The following RNF175 variants were observed in gnomAD, a reference collection of about 807,000 sequenced individuals.
RNF175 encodes ring finger protein 175.
A neutral mutation model predicts 50.0 loss-of-function variants in RNF175; 38 were observed. The ratio of observed to expected loss-of-function variants is 0.76; its 90% confidence interval spans 0.59 to 1.00. The LOEUF (loss-of-function observed/expected upper bound fraction) is 1.00, where lower values mean the gene tolerates loss of function less well. Ranked by LOEUF, RNF175 falls within the 50% of genes least tolerant of loss-of-function variation. The probability of loss-of-function intolerance (pLI) is 0.00; values close to 1 mark genes in which losing one functional copy is unlikely to be tolerated. For missense variants in RNF175, 388 were observed against 409.6 expected (o/e 0.95, Z 0.46); for synonymous variants, 155 against 146.1 (o/e 1.06, Z -0.44).
intron 8 of RNF175, among the ~76,000 whole-genome samples, chr4:153,712,039 A>C (rs184888474): frequency 1.3e-5 from 2 of 152,346 alleles, no homozygotes; most frequent in Admixed American, 1.3e-4. Flanking sequence ...ACACCCTAAC[A>C]TATTTTAAAA....
chr4:153,751,550 G>A, intron 1 of RNF175, 75 bp from the exon 2 acceptor site: 1 of 996,280 alleles, frequency 1.0e-6, no homozygotes, highest in Non-Finnish European at 1.5e-6. Context: ...CAATATATGG[G>A]AAACCCAGAC....
chr4:153,738,840 T>A (rs182336089), intron 3 of RNF175, among the ~76,000 whole-genome samples: 1 of 152,348 alleles, frequency 6.6e-6, no homozygotes, highest in Non-Finnish European at 1.5e-5. Flanking sequence ...GGGTATTTTA[T>A]GAGATTCCAT....
chr4:153,759,853 C>T lies in RNF175; in HGVS notation c.10G>A (p.Gly4Arg), dbSNP rs1305884947. ...GGCGCTGCCTTCCGCGCCGCCGTCC[C>T]CGCGGCCATGCCTGAGCCACTGTGC... Reference protein sequence around the residue: MAAGTAARKAAPVL... With the variant: MAARTAARKAAPVL... The change falls in exon 1 of 9, where the codon GGG becomes AGG. Residue 4 changes from glycine to arginine, a missense_variant. Physicochemically the swap from Gly to Arg is moderately radical, Grantham distance 125. Coordinates refer to ENST00000347063, the MANE Select transcript of RNF175 (RefSeq NM_173662.4). 2 of 1,458,462 alleles carry T rather than the reference C, an allele frequency of 1.4e-6. No individual in the cohort carries two copies. The highest frequency in any genetic ancestry group is 2.5e-5 in the Admixed American group (1 of 39,990). 90.3% of individuals were successfully genotyped at this position (1,458,462 alleles called of 1,614,324 possible). A position where few individuals can be genotyped will look rare whatever the true frequency, so the allele number is the denominator to read the frequency against.
intron 3 of RNF175, chr4:153,748,427 C>A: frequency 2.3e-6 from 1 of 439,006 alleles, no homozygotes; most frequent in Non-Finnish European, 4.0e-6. Context: ...TTGCAACTCC[C>A]CTCCCCCTTT....
intron 3 of RNF175, among the ~76,000 whole-genome samples, chr4:153,741,750 A>C (rs1254783002): frequency 6.6e-5 from 10 of 152,172 alleles, no homozygotes; most frequent in Non-Finnish European, 1.2e-4. Context: ...TTAAAATTTC[A>C]TCATTTTAAA....
At chr4:153,750,859 A>G (rs867166314) in intron 2 of RNF175, among the ~76,000 whole-genome samples, 10 of 152,164 alleles carry the variant, frequency 6.6e-5, no homozygotes, top group Admixed American at 3.3e-4. Flanking sequence ...ATTTGCATAG[A>G]TATAAAATAA....
At chr4:153,756,981 A>G (rs900151584) in intron 1 of RNF175, among the ~76,000 whole-genome samples, 1 of 151,954 alleles carries the variant, frequency 6.6e-6, no homozygotes, top group Non-Finnish European at 1.5e-5. Context: ...GACTGATCCT[A>G]TTGTCTTCCT....
intron 3 of RNF175, among the ~76,000 whole-genome samples, chr4:153,734,632 A>ATATTT (rs1350203494): frequency 7.0e-6 from 1 of 143,352 alleles, no homozygotes; most frequent in African/African-American, 2.7e-5. Flanking sequence ...GTGTTTGCAA[A>ATATTT]TATTTTCTCC....
intron 3 of RNF175, among the ~76,000 whole-genome samples, chr4:153,740,480 C>A (rs1739594043): frequency 1.3e-5 from 2 of 152,238 alleles, no homozygotes; most frequent in South Asian, 4.1e-4. Flanking sequence ...CCTCTCTTAG[C>A]TATTTTGGGA....
chr4:153,753,617 G>C (rs529465582), intron 1 of RNF175, among the ~76,000 whole-genome samples: 27 of 151,576 alleles, frequency 1.8e-4, no homozygotes, highest in African/African-American at 6.5e-4. Flanking sequence ...GAGTGCAATG[G>C]TGCGATCTCA....
chr4:153,720,020 TC>T (rs1339322886), intron 6 of RNF175, among the ~76,000 whole-genome samples, 163 bp downstream of exon 6: 1 of 152,192 alleles, frequency 6.6e-6, no homozygotes, highest in Non-Finnish European at 1.5e-5. Flanking sequence ...GAAAGGAGAA[TC>T]CAGGGAGCAA....
In RNF175 at chr4:153,759,944, G is replaced by T; in HGVS notation, c.-82C>A. ...AGTCCGCAGAAGGAGGCGCCGCGGGGCCTCGGGAGCCGAGGGTGAGAGCCG... is the reference window on the plus strand; with the variant it reads ...AGTCCGCAGAAGGAGGCGCCGCGGGTCCTCGGGAGCCGAGGGTGAGAGCCG... On this transcript the variant is annotated 5_prime_UTR_variant, in exon 1 of 9. Transcript: ENST00000347063. The T allele has an allele frequency of 2.5e-6, 2 of 807,260 alleles. No individual in the cohort carries two copies. The highest frequency in any genetic ancestry group is 3.4e-6 in the Non-Finnish European group (2 of 585,726). 50.0% of individuals were successfully genotyped at this position (807,260 alleles called of 1,614,324 possible). A position where few individuals can be genotyped will look rare whatever the true frequency, so the allele number is the denominator to read the frequency against.
At chr4:153,717,503 A>G (rs1340965284) in intron 6 of RNF175, among the ~76,000 whole-genome samples, 1 of 147,018 alleles carries the variant, frequency 6.8e-6, no homozygotes, top group Admixed American at 7.0e-5. Context: ...TCATCTGTAT[A>G]TACTAACACA....
At chr4:153,743,640 G>C (rs75543972) in intron 3 of RNF175, among the ~76,000 whole-genome samples, 26,742 of 151,880 alleles carry the variant, frequency 0.18, 3,041 homozygotes, top group Non-Finnish European at 0.25. Context: ...ACAGGCGCCT[G>C]GTCACCTCCA....
At chr4:153,728,746 C>T (rs545233852) in intron 3 of RNF175, among the ~76,000 whole-genome samples, 5 of 152,226 alleles carry the variant, frequency 3.3e-5, no homozygotes, top group South Asian at 2.1e-4. Context: ...GGGGATCAAA[C>T]GAGATCAGGA....
At chr4:153,753,636 C>A (rs1740410027) in intron 1 of RNF175, among the ~76,000 whole-genome samples, 1 of 151,606 alleles carries the variant, frequency 6.6e-6, no homozygotes. Flanking sequence ...CAGCTCACTG[C>A]AACCTCTGCC....
chr4:153,737,683 T>C (rs1203653823), intron 3 of RNF175, among the ~76,000 whole-genome samples: 1 of 152,222 alleles, frequency 6.6e-6, no homozygotes, highest in East Asian at 1.9e-4. Flanking sequence ...TAATTTCTAT[T>C]CTTTTAAATT....
chr4:153,723,435 A>C lies in RNF175; in HGVS notation c.425T>G (p.Leu142Trp), dbSNP rs1229234620. The C allele has an allele frequency of 6.3e-7, 1 of 1,598,920 alleles. No homozygotes were observed. Among genetic ancestry groups the C allele is most frequent in the Non-Finnish European group, 8.6e-7 (1 of 1,167,094 alleles). ...TPRLVYKWFL[L>W]IYKLSYAFGV... ...AAATGCATAGCTGAGTTTGTAGATC[A>C]AAAGAAACCATTTGTAGACCAATCT... Residue 142 changes from leucine to tryptophan, a missense_variant, in exon 5 of 9, where the codon TTG (leucine) becomes TGG (tryptophan). By Grantham distance (61) the Leu-to-Trp change is moderately conservative (BLOSUM62 -2). Transcript: ENST00000347063.
intron 1 of RNF175, 51 bp downstream of exon 1, chr4:153,759,746 C>T: frequency 1.6e-6 from 2 of 1,256,618 alleles, no homozygotes; most frequent in South Asian, 1.4e-5. Context: ...CCAGCGTGAG[C>T]CCCGGGACCC....
Sources: allele counts gnomAD v4.1 joint callset (sites outside exome capture counted in the v4.1 genomes callset), GRCh38; gene constraint gnomAD v4.1.1; transcripts MANE v1.5; gene names NCBI Gene and HGNC (gene_info 2026-07-23, HGNC 2026-07-21).